Variants in NFATC3 observed in about 807,000 individuals in gnomAD.
NFATC3 encodes nuclear factor of activated T cells 3.
A neutral mutation model predicts 98.6 loss-of-function variants in NFATC3; 46 were observed. That is an observed-to-expected ratio of 0.47 (90% CI 0.37 to 0.60). NFATC3 has a LOEUF of 0.60. Among genes scored for constraint, NFATC3 ranks in the 20% least tolerant of loss-of-function variants. NFATC3 has a pLI of 0.00. For missense variants in NFATC3, 1,256 were observed against 1,295.5 expected, an observed-to-expected ratio of 0.97 and a Z score of 0.47; for synonymous variants, 512 against 472.2, an observed-to-expected ratio of 1.08 and a Z score of -1.09.
At chr16:68,206,957 G>C (rs187493467) in intron 9 of NFATC3, among the ~76,000 whole-genome samples, 1 of 149,992 alleles carries the variant, frequency 6.7e-6, no homozygotes, top group African/African-American at 2.5e-5. Flanking sequence ...ACTCCAACCC[G>C]GGCAACAGAG....
At chr16:68,188,329 C>T (rs909858339) in intron 8 of NFATC3, among the ~76,000 whole-genome samples, 2 of 152,128 alleles carry the variant, frequency 1.3e-5, no homozygotes, top group Admixed American at 1.3e-4. Flanking sequence ...CTTCTTCCTG[C>T]TACCGCCCCT....
chr16:68,106,057 A>T (rs930533961), intron 1 of NFATC3, among the ~76,000 whole-genome samples: 3 of 151,864 alleles, frequency 2.0e-5, no homozygotes, highest in Non-Finnish European at 4.4e-5. Flanking sequence ...TTTAGTATAA[A>T]TGGGGTTTCA....
rs371393729 is a variant in NFATC3 at position 68,184,676 on chromosome 16, C to T, written c.2098+1310C>T. On this transcript the variant is annotated intron_variant, in intron 8 of 9. Transcript: ENST00000346183. ...AAAATTAGCCGGGCGTGGTGGCGGG[C>T]GCCTGTAGTCCCAGCTACTCAGGAG... Among the ~76,000 whole-genome samples the T allele has an allele frequency of 9.2e-5, 14 of 151,802 alleles. No individual in the cohort carries two copies. The East Asian group carries it at 2.3e-3, about 25-fold the overall frequency.
rs529617987 is a variant in NFATC3 at position 68,113,927 on chromosome 16, G to A, written c.104-8060G>A. Among the ~76,000 whole-genome samples the A allele has an allele frequency of 7.2e-5, 11 of 152,334 alleles. No homozygotes were observed. The East Asian group carries it at 2.1e-3, about 29-fold the overall frequency. ...AAACCGCCAAGTTTCCCCAACACCA[G>A]CAAAGGAAAATGGCAGACTGGAGCC... On this transcript the variant is annotated intron_variant, in intron 1 of 9. Transcript: ENST00000346183.
chr16:68,122,825 T>C lies in NFATC3; in HGVS notation c.942T>C (p.Ser314=). Reference sequence around the variant, plus strand: ...CAGAAGATACGTGGCTCAATGCTTCTGTCCATGGTGGGTCAGGCCTTGGCC... The same window carrying C: ...CAGAAGATACGTGGCTCAATGCTTCCGTCCATGGTGGGTCAGGCCTTGGCC... ...SVTEDTWLNA[S]VHGGSGLGPA... Residue 314 remains serine (S), a synonymous_variant, in exon 2 of 10, where the codon TCT becomes TCC. Transcript: ENST00000346183. 6.2e-7 allele frequency: 1 copy of C among 1,614,276 alleles called. No individual in the cohort carries two copies. The highest frequency in any genetic ancestry group is 1.1e-5 in the South Asian group (1 of 91,092).
At chr16:68,109,100 C>T (rs2035812885) in intron 1 of NFATC3, among the ~76,000 whole-genome samples, 1 of 152,122 alleles carries the variant, frequency 6.6e-6, no homozygotes, top group Non-Finnish European at 1.5e-5. Flanking sequence ...CCAGAATTTC[C>T]ATTACTATGT....
chr16:68,121,629 C>T (rs1021237457), intron 1 of NFATC3, among the ~76,000 whole-genome samples: 1 of 146,844 alleles, frequency 6.8e-6, no homozygotes, highest in Non-Finnish European at 1.5e-5. Flanking sequence ...GCTATGATCA[C>T]ACCATTGCAC....
chr16:68,160,837 A>G (rs1283351407), intron 4 of NFATC3, among the ~76,000 whole-genome samples: 1 of 152,074 alleles, frequency 6.6e-6, no homozygotes, highest in Non-Finnish European at 1.5e-5. Context: ...CACGTGCACC[A>G]CCACTCCTGG....
In NFATC3 at chr16:68,191,666, T is replaced by C. The variant is rs2040416428; in HGVS notation, c.2997T>C (p.Asp999=). 1 of 1,614,030 alleles carries C rather than the reference T, an allele frequency of 6.2e-7. No individual in the cohort carries two copies. The highest frequency in any genetic ancestry group is 1.3e-5 in the African/African-American group (1 of 74,904). ...CCTTAATATGTCACAGTTTGTGTGATCCAGCGTCATTTCCACCTGATGGGG... is the reference window on the plus strand; with the variant it reads ...CCTTAATATGTCACAGTTTGTGTGACCCAGCGTCATTTCCACCTGATGGGG... ...PSSLICHSLC[D]PASFPPDGAT... is the part of the protein sequence containing the mutation. The change falls in exon 9 of 10, where the codon GAT becomes GAC. Residue 999 remains aspartate (D), a synonymous_variant. Transcript: ENST00000346183.
chr16:68,163,936 G>A (rs1448736724), intron 4 of NFATC3, among the ~76,000 whole-genome samples: 3 of 150,510 alleles, frequency 2.0e-5, no homozygotes, highest in African/African-American at 7.4e-5. Flanking sequence ...CCAGGCAGAG[G>A]GGCTCTTCAC....
At chr16:68,089,047 G>A (rs962142042) in intron 1 of NFATC3, 3 of 985,288 alleles carry the variant, frequency 3.0e-6, no homozygotes, top group African/African-American at 1.7e-5. Flanking sequence ...GGAAATTGAC[G>A]AGAATTGTTT....
intron 3 of NFATC3, among the ~76,000 whole-genome samples, chr16:68,128,664 CTG>C (rs1169680425): frequency 6.6e-6 from 1 of 151,998 alleles, no homozygotes; most frequent in African/African-American, 2.4e-5. Flanking sequence ...AAAACAAAAA[CTG>C]AGCCAGGAAC....
chr16:68,214,860 C>T (rs2041571298), intron 9 of NFATC3, among the ~76,000 whole-genome samples: 1 of 152,064 alleles, frequency 6.6e-6, no homozygotes, highest in Non-Finnish European at 1.5e-5. Flanking sequence ...GAATATTTAT[C>T]CCTAGCCTCC....
At chr16:68,149,617 C>T (rs1162581000) in intron 3 of NFATC3, among the ~76,000 whole-genome samples, 1 of 152,138 alleles carries the variant, frequency 6.6e-6, no homozygotes, top group African/African-American at 2.4e-5. Flanking sequence ...GCAGTATTAA[C>T]ATGTTCCTTA....
At chr16:68,202,103 G>A (rs967018972) in intron 9 of NFATC3, among the ~76,000 whole-genome samples, 2 of 150,612 alleles carry the variant, frequency 1.3e-5, no homozygotes, top group Admixed American at 6.7e-5. Flanking sequence ...GTTCCCACTT[G>A]TCCTCCTTGT....
intron 1 of NFATC3, among the ~76,000 whole-genome samples, chr16:68,121,711 T>C (rs1208030855): frequency 6.6e-6 from 1 of 151,896 alleles, no homozygotes; most frequent in Non-Finnish European, 1.5e-5. Flanking sequence ...GGCATAATGT[T>C]TCCTGATTAT....
At chr16:68,102,272 T>G (rs1247132580) in intron 1 of NFATC3, among the ~76,000 whole-genome samples, 1 of 147,154 alleles carries the variant, frequency 6.8e-6, no homozygotes, top group African/African-American at 2.5e-5. Flanking sequence ...CTTGGGAGAC[T>G]GTGGCAGGAG....
chr16:68,115,025 G>A (rs973211367), intron 1 of NFATC3, among the ~76,000 whole-genome samples: 1 of 151,844 alleles, frequency 6.6e-6, no homozygotes, highest in Non-Finnish European at 1.5e-5. Flanking sequence ...TGGTTTCTCC[G>A]GTGAAACACA....
chr16:68,163,882 A>G (rs2039043943), intron 4 of NFATC3, among the ~76,000 whole-genome samples: 1 of 126,034 alleles, frequency 7.9e-6, no homozygotes. Context: ...CCTAGATGGG[A>G]TGGCGGCCGG....
Sources: gnomAD v4.1 joint callset for allele counts (sites outside exome capture counted in the v4.1 genomes callset) on GRCh38, gnomAD v4.1.1 for gene constraint, MANE v1.5 for transcripts, NCBI Gene and HGNC (gene_info 2026-07-23, HGNC 2026-07-21) for gene names.